TVP23C: variants seen among roughly 807,000 people sequenced by gnomAD.
TVP23C encodes the protein Golgi apparatus membrane protein TVP23 homolog C.
TVP23C carries 19 observed loss-of-function variants against 28.7 expected under a neutral mutation model. The ratio of observed to expected loss-of-function variants is 0.66; its 90% confidence interval spans 0.46 to 0.97. TVP23C has a LOEUF of 0.97. Among genes scored for constraint, TVP23C ranks in the 50% least tolerant of loss-of-function variants. TVP23C has a pLI of 0.00. For missense variants in TVP23C, 186 were observed against 241.3 expected (o/e 0.77, Z 1.52); for synonymous variants, 68 against 81.7 (o/e 0.83, Z 0.90).
chr17:15,549,967 T>C (rs1983817746), intron 3 of TVP23C, among the ~76,000 whole-genome samples: 2 of 152,116 alleles, frequency 1.3e-5, no homozygotes, highest in African/African-American at 2.4e-5. Context: ...CAGAGGTCTC[T>C]TCTATAGGTA....
intron 5 of TVP23C, among the ~76,000 whole-genome samples, chr17:15,544,209 T>C (rs1197568613): frequency 6.6e-6 from 1 of 152,092 alleles, no homozygotes; most frequent in Non-Finnish European, 1.5e-5. Flanking sequence ...AGAATATTAA[T>C]CCAGCCAGGT....
At position 15,555,406 on chromosome 17, in the gene TVP23C, A is replaced by G. The variant is rs778117231; in HGVS notation, c.13-42T>C. The G allele has an allele frequency of 1.9e-6, 3 of 1,613,664 alleles. No homozygotes were observed. In the East Asian group the frequency reaches 6.7e-5, roughly 36 times the overall value. ...ATGGTCAAGAAGCAAAACAAAATTCAGTGTTTACACAGCCACTGCAATGCA... is the reference window on the plus strand; with the variant it reads ...ATGGTCAAGAAGCAAAACAAAATTCGGTGTTTACACAGCCACTGCAATGCA... On this transcript the variant is annotated intron_variant, in intron 1 of 5. Transcript: ENST00000518321.
At position 15,523,991 on chromosome 17, in the gene TVP23C, CA is replaced by C. The variant is rs564267049; in HGVS notation, c.463-20760del. Among the ~76,000 whole-genome samples, 163 of 151,882 alleles carry C rather than the reference CA, an allele frequency of 1.1e-3. 1 individual carries two copies. Among genetic ancestry groups the C allele is most frequent in the Admixed American group, 2.9e-3 (44 of 15,252 alleles). Reference sequence around the variant, plus strand: ...TTTCAAAGATGTCCTATACGCACTACAAAACACTGCTGAAGAGAGCTTGGTG... The same window carrying C: ...TTTCAAAGATGTCCTATACGCACTACAAACACTGCTGAAGAGAGCTTGGTG... On this transcript the variant is annotated intron_variant, in intron 5 of 5. Transcript: ENST00000225576.
At chr17:15,528,660 C>T (rs1982826036) in intron 5 of TVP23C, among the ~76,000 whole-genome samples, 1 of 151,562 alleles carries the variant, frequency 6.6e-6, no homozygotes. Flanking sequence ...GGCTGGAGTG[C>T]CGTGGCGTGA....
chr17:15,506,740 T>A (rs1981764956), intron 5 of TVP23C: 1 of 372,510 alleles, frequency 2.7e-6, no homozygotes, highest in Non-Finnish European at 5.2e-6. Flanking sequence ...TCCGAACACA[T>A]CCGAACATCA....
In TVP23C at chr17:15,540,201, G is replaced by C. The variant is rs1983351920; in HGVS notation, c.*211C>G. 7.9e-7 allele frequency: 1 copy of C among 1,260,526 alleles called. No individual in the cohort carries two copies. The highest frequency in any genetic ancestry group is 1.0e-6 in the Non-Finnish European group (1 of 1,000,062). The allele number at this position is 1,260,526 out of a possible 1,614,324, so 78.1% of individuals were successfully genotyped here. On this transcript the variant is annotated 3_prime_UTR_variant, in exon 6 of 6. Transcript: ENST00000518321. ...CTTAAAAGTAATTTTTAAAAAATAA[G>C]TTATTATCAATGATAGTTTATCCTT...
intron 5 of TVP23C, among the ~76,000 whole-genome samples, chr17:15,542,770 C>T (rs1447690736): frequency 6.6e-6 from 1 of 152,158 alleles, no homozygotes; most frequent in African/African-American, 2.4e-5. Flanking sequence ...GCCACCATGC[C>T]AAGGTCTTAA....
chr17:15,504,606 A>G (rs1179287302), intron 5 of TVP23C, among the ~76,000 whole-genome samples: 1 of 152,114 alleles, frequency 6.6e-6, no homozygotes, highest in Non-Finnish European at 1.5e-5. Flanking sequence ...GCTTTGGCCC[A>G]GGCTAGAGTG....
At chr17:15,510,180 C>T (rs1026230830) in intron 5 of TVP23C, among the ~76,000 whole-genome samples, 2 of 151,978 alleles carry the variant, frequency 1.3e-5, no homozygotes, top group Admixed American at 6.6e-5. Context: ...TTGCTTTTTT[C>T]GGGGTTCTAG....
At chr17:15,536,138 C>T (rs1049657713), downstream of TVP23C, among the ~76,000 whole-genome samples, 9 of 151,822 alleles carry the variant, frequency 5.9e-5, no homozygotes, top group Non-Finnish European at 8.8e-5. Flanking sequence ...TGCAATGATC[C>T]GAGATCACAC....
At chr17:15,520,571 G>A (rs1982433217) in intron 5 of TVP23C, among the ~76,000 whole-genome samples, 1 of 149,038 alleles carries the variant, frequency 6.7e-6, no homozygotes, top group Non-Finnish European at 1.5e-5. Context: ...GTTATTTTAT[G>A]TATCTTGTCC....
At chr17:15,525,694 A>G (rs868795391) in intron 5 of TVP23C, among the ~76,000 whole-genome samples, 4 of 152,062 alleles carry the variant, frequency 2.6e-5, no homozygotes, top group Non-Finnish European at 4.4e-5. Flanking sequence ...GTGTGTGTGC[A>G]TGCACGCGTG....
intron 5 of TVP23C, among the ~76,000 whole-genome samples, chr17:15,523,815 G>A (rs1467021438): frequency 2.6e-5 from 4 of 151,838 alleles, no homozygotes; most frequent in African/African-American, 4.8e-5. Context: ...GGGATTCACC[G>A]TGTTAGCCAG....
intron 5 of TVP23C, among the ~76,000 whole-genome samples, chr17:15,508,932 C>T: frequency 6.6e-6 from 1 of 152,196 alleles, no homozygotes; most frequent in Non-Finnish European, 1.5e-5. Context: ...AGTCACTGCA[C>T]TGGGGACAGA....
intron 5 of TVP23C, among the ~76,000 whole-genome samples, chr17:15,523,980 T>C (rs918298539): frequency 1.2e-4 from 18 of 152,102 alleles, no homozygotes; most frequent in African/African-American, 3.4e-4. Flanking sequence ...AAAGATGTCC[T>C]ATACGCACTA....
chr17:15,503,410 GAA>G lies in TVP23C; in HGVS notation c.463-180_463-179del, dbSNP rs1052527553. The G allele has an allele frequency of 3.8e-6, 3 of 782,154 alleles. No individual in the cohort carries two copies. In the African/African-American group the frequency reaches 5.3e-5, roughly 14 times the overall value. The allele number at this position is 782,154 out of a possible 1,614,324, so 48.5% of individuals were successfully genotyped here. ...ACAGAGCAAGACCATGATATTTCAAGAAAAGTCCTTGAGGCAAAAGGTGACCT... is the reference window on the plus strand; with the variant it reads ...ACAGAGCAAGACCATGATATTTCAAGAAGTCCTTGAGGCAAAAGGTGACCT... On this transcript the variant is annotated intron_variant, in intron 5 of 5. Coordinates refer to the TVP23C transcript ENST00000225576.
At chr17:15,512,489 A>G (rs1328743956) in intron 5 of TVP23C, among the ~76,000 whole-genome samples, 1 of 152,140 alleles carries the variant, frequency 6.6e-6, no homozygotes, top group African/African-American at 2.4e-5. Flanking sequence ...AACTATGACA[A>G]CACTCAAACA....
intron 5 of TVP23C, among the ~76,000 whole-genome samples, chr17:15,524,572 G>A (rs935951973): frequency 4.6e-5 from 7 of 152,198 alleles, no homozygotes. Context: ...CTCTGATGAG[G>A]AAGGAGATAT....
intron 1 of TVP23C, among the ~76,000 whole-genome samples, chr17:15,559,954 G>T (rs1984305006): frequency 6.7e-6 from 1 of 149,472 alleles, no homozygotes; most frequent in African/African-American, 2.4e-5. Context: ...TGAGCCAGGA[G>T]GGGGTAGTGT....
Sources: allele counts gnomAD v4.1 joint callset (sites outside exome capture counted in the v4.1 genomes callset), GRCh38; gene constraint gnomAD v4.1.1; transcripts MANE v1.5; gene names NCBI Gene and HGNC (gene_info 2026-07-23, HGNC 2026-07-21).